The following PRKAG2 variants were observed in gnomAD, a reference collection of about 807,000 sequenced individuals.
The protein encoded by PRKAG2 is protein kinase AMP-activated non-catalytic subunit gamma 2, also known as 5'-AMP-activated protein kinase subunit gamma-2.
In PRKAG2, 26 loss-of-function variants were observed where a neutral mutation model predicts 69.6. The ratio of observed to expected loss-of-function variants is 0.37; its 90% CI spans 0.27 to 0.52. The LOEUF (loss-of-function observed/expected upper bound fraction) is 0.52. Ranked by LOEUF, PRKAG2 falls within the 20% of genes least tolerant of loss-of-function variation. The pLI, the probability that PRKAG2 is intolerant of heterozygous loss-of-function variation, is 0.90. For missense variants in PRKAG2, 557 were observed against 740.0 expected, an observed-to-expected ratio of 0.75 and a Z score of 2.87; for synonymous variants, 293 against 285.0, an observed-to-expected ratio of 1.03 and a Z score of -0.28.
At chr7:151,741,052 T>G (rs73484195) in intron 3 of PRKAG2, among the ~76,000 whole-genome samples, 4,054 of 152,156 alleles carry the variant, frequency 0.027, 151 homozygotes, top group African/African-American at 0.093. Context: ...TTTCTCGATT[T>G]AAAAATAAAA....
intron 3 of PRKAG2, among the ~76,000 whole-genome samples, chr7:151,741,119 G>C (rs1299863379): frequency 1.3e-5 from 2 of 150,978 alleles, no homozygotes; most frequent in African/African-American, 4.9e-5. Flanking sequence ...AGGCTGAGGC[G>C]GGAGGATTGC....
rs956870879 is a variant in PRKAG2 at position 151,850,982 on chromosome 7, C to A, written c.114+25525G>T. Among the ~76,000 whole-genome samples the A allele has an allele frequency of 2.6e-5, 4 of 152,164 alleles. No homozygotes were observed. Among genetic ancestry groups the A allele is most frequent in the Non-Finnish European group, 4.4e-5 (3 of 68,034 alleles). On this transcript the variant is annotated intron_variant, in intron 1 of 15. Transcript: ENST00000287878. This position sits in a 1 kb window ranked among gnomAD's most constrained non-coding sequence, Gnocchi z 4.1. Reference sequence around the variant, plus strand: ...ACAGGGGTACCCCTGCTCCCCAACCCGCAAATGGGTGGTGAGACCTGAGGG... The same window carrying A: ...ACAGGGGTACCCCTGCTCCCCAACCAGCAAATGGGTGGTGAGACCTGAGGG...
intron 3 of PRKAG2, among the ~76,000 whole-genome samples, chr7:151,729,011 G>A (rs115196288): frequency 0.041 from 6,290 of 152,118 alleles, 420 homozygotes; most frequent in African/African-American, 0.14. Flanking sequence ...CGCCTGGCCT[G>A]CTGAGTGACT....
intron 1 of PRKAG2, among the ~76,000 whole-genome samples, chr7:151,798,745 A>G (rs58498831): frequency 0.36 from 54,081 of 152,100 alleles, 10,112 homozygotes; most frequent in Non-Finnish European, 0.39. Flanking sequence ...CCGAGGTGTC[A>G]CCAGAAGTGT....
At chr7:151,661,498 G>A (rs894936799) in intron 4 of PRKAG2, among the ~76,000 whole-genome samples, 6 of 152,074 alleles carry the variant, frequency 3.9e-5, no homozygotes, top group African/African-American at 1.2e-4. Flanking sequence ...TGTAGAAATC[G>A]TATTAGAATT....
chr7:151,753,832 G>A lies in PRKAG2; in HGVS notation c.466+27320C>T, dbSNP rs1172776553. On this transcript the variant is annotated intron_variant, in intron 3 of 15. Transcript: ENST00000287878. ...GAGGATCGCTTAAGCCCAGGTGTTT[G>A]AGACCAGCCTGGGCAACATGGCAAA... Among the ~76,000 whole-genome samples, 11 of 150,616 alleles carry A rather than the reference G, an allele frequency of 7.3e-5. No homozygotes were observed. The Admixed American group carries it at 7.3e-4, about 10-fold the overall frequency.
chr7:151,634,910 T>C (rs1308654593), intron 4 of PRKAG2, among the ~76,000 whole-genome samples: 1 of 151,444 alleles, frequency 6.6e-6, no homozygotes, highest in Admixed American at 6.6e-5. Context: ...ACTTCTACAC[T>C]GCTGGTGGGA....
intron 3 of PRKAG2, among the ~76,000 whole-genome samples, chr7:151,702,078 T>C (rs537455586): frequency 2.0e-5 from 3 of 152,314 alleles, no homozygotes; most frequent in Non-Finnish European, 4.4e-5. Flanking sequence ...ACTGTCCGTA[T>C]TTCCAATGCT....
chr7:151,607,892 T>C (rs1563244333), intron 5 of PRKAG2, among the ~76,000 whole-genome samples: 2 of 152,082 alleles, frequency 1.3e-5, no homozygotes, highest in Admixed American at 1.3e-4. Context: ...AAAAGACAGG[T>C]CCACTGGAAA....
intron 3 of PRKAG2, among the ~76,000 whole-genome samples, chr7:151,754,230 C>T (rs188646914): frequency 1.3e-5 from 2 of 152,238 alleles, no homozygotes; most frequent in Non-Finnish European, 2.9e-5. Flanking sequence ...ATGTGCAGGC[C>T]AGCCCTGGCT....
At chr7:151,648,395 C>T (rs975552814) in intron 4 of PRKAG2, among the ~76,000 whole-genome samples, 7 of 152,262 alleles carry the variant, frequency 4.6e-5, no homozygotes, top group African/African-American at 1.4e-4. Flanking sequence ...TGCATCCCAC[C>T]GTGGTCCTCA....
At chr7:151,860,316 A>G (rs2151905605) in intron 1 of PRKAG2, among the ~76,000 whole-genome samples, 1 of 152,258 alleles carries the variant, frequency 6.6e-6, no homozygotes, top group South Asian at 2.1e-4. Flanking sequence ...AGCAGAGAGA[A>G]CCAGAACTTC....
intron 3 of PRKAG2, among the ~76,000 whole-genome samples, chr7:151,743,000 G>A (rs934582808): frequency 6.6e-6 from 1 of 152,186 alleles, no homozygotes; most frequent in East Asian, 1.9e-4. Context: ...GCGGGGGAAA[G>A]TTGACCACTC....
chr7:151,777,803 TC>T lies in PRKAG2; in HGVS notation c.466+3348del, dbSNP rs1159122458. The stretch of plus-strand genomic sequence containing the variant: ...ATAGTACCTCCCTGAAACCAACTGT[TC>T]CTTGCTCAGGGACTGAAAACCAGCT... On this transcript the variant is annotated intron_variant, in intron 3 of 15. Transcript: ENST00000287878. This position sits in a 1 kb window ranked among gnomAD's most constrained non-coding sequence, Gnocchi z 4.3. 1.3e-5 allele frequency among the ~76,000 whole-genome samples: 2 copies of T among 152,238 alleles called. No individual in the cohort carries two copies. Among genetic ancestry groups the T allele is most frequent in the East Asian group, 3.9e-4 (2 of 5,176 alleles).
intron 4 of PRKAG2, among the ~76,000 whole-genome samples, chr7:151,651,311 G>A (rs912072516): frequency 3.9e-5 from 6 of 152,132 alleles, no homozygotes; most frequent in South Asian, 2.1e-4. Context: ...AGATCCATTC[G>A]AAATACAAGA....
At chr7:151,739,848 T>C (rs1483723761) in intron 3 of PRKAG2, among the ~76,000 whole-genome samples, 1 of 152,160 alleles carries the variant, frequency 6.6e-6, no homozygotes, top group African/African-American at 2.4e-5. Context: ...CTCTGCCTGC[T>C]GAAACCCCAT....
intron 1 of PRKAG2, among the ~76,000 whole-genome samples, chr7:151,803,216 C>G (rs960701382): frequency 1.3e-5 from 2 of 152,150 alleles, no homozygotes; most frequent in Non-Finnish European, 2.9e-5. Context: ...CCTCAGCCTT[C>G]CAAAGTTCTG....
At chr7:151,843,164 T>G (rs2079351709) in intron 1 of PRKAG2, among the ~76,000 whole-genome samples, 1 of 152,150 alleles carries the variant, frequency 6.6e-6, no homozygotes, top group African/African-American at 2.4e-5. Flanking sequence ...CCTACAAGTT[T>G]TGATATAAAC....
intron 4 of PRKAG2, among the ~76,000 whole-genome samples, chr7:151,664,832 G>A (rs1830803195): frequency 6.6e-6 from 1 of 152,216 alleles, no homozygotes; most frequent in Non-Finnish European, 1.5e-5. Context: ...CCAGGTGAAG[G>A]CAGGGTTGCC....
Sources: allele counts gnomAD v4.1 joint callset (sites outside exome capture counted in the v4.1 genomes callset), GRCh38; gene constraint gnomAD v4.1.1; non-coding constraint Gnocchi (gnomAD v3.1); transcripts MANE v1.5; gene names NCBI Gene and HGNC (gene_info 2026-07-23, HGNC 2026-07-21).